Variants in CFAP43 observed in about 807,000 individuals in gnomAD.
CFAP43 encodes cilia and flagella associated protein 43.
CFAP43 carries 155 observed loss-of-function variants against 218.9 expected under a neutral mutation model. The observed-to-expected ratio is 0.71, with a 90% CI of 0.62 to 0.81. The LOEUF (loss-of-function observed/expected upper bound fraction) is 0.81, where lower values mean the gene tolerates loss of function less well. Ranked by LOEUF, CFAP43 falls within the 30% of genes least tolerant of loss-of-function variation. CFAP43 has a pLI of 0.00. For synonymous variants in CFAP43, 645 were observed against 681.3 expected, an observed-to-expected ratio of 0.95 and a Z score of 0.83; for missense variants, 1,778 against 1,954.3, an observed-to-expected ratio of 0.91 and a Z score of 1.70.
intron 16 of CFAP43, among the ~76,000 whole-genome samples, chr10:104,182,978 C>T (rs1432005060): frequency 6.6e-6 from 1 of 152,116 alleles, no homozygotes; most frequent in East Asian, 1.9e-4. Context: ...TCCTCATACC[C>T]TTACTCAACA....
chr10:104,147,890 C>T lies in CFAP43; in HGVS notation c.3768+1G>A. 6.3e-7 allele frequency: 1 copy of T among 1,578,982 alleles called. No homozygotes were observed. The highest frequency in any genetic ancestry group is 1.2e-5 in the South Asian group (1 of 86,050). Reference sequence around the variant, plus strand: ...ATTCAGATTTCAGACACTATTCTTACTTTCTCGTGCTGTTTCCTTGTAAGG... The same window carrying T: ...ATTCAGATTTCAGACACTATTCTTATTTTCTCGTGCTGTTTCCTTGTAAGG... On this transcript the variant is annotated splice_donor_variant, in intron 29 of 37. Transcript: ENST00000357060. LOFTEE classifies it high-confidence loss of function.
intron 3 of CFAP43, among the ~76,000 whole-genome samples, chr10:104,214,935 A>G (rs528502774): frequency 5.2e-4 from 79 of 152,176 alleles, no homozygotes; most frequent in African/African-American, 1.7e-3. Flanking sequence ...CAGGAGTTCA[A>G]GACCAGCCTG....
At chr10:104,140,796 A>T in intron 34 of CFAP43, 46 bp downstream of exon 34, 2 of 1,466,008 alleles carry the variant, frequency 1.4e-6, no homozygotes, top group Non-Finnish European at 9.2e-7. Context: ...AGCCTGAGTA[A>T]CAAAGCAAGA....
intron 7 of CFAP43, among the ~76,000 whole-genome samples, chr10:104,205,231 A>AAAAAAG (rs2090652103): frequency 6.6e-6 from 1 of 151,112 alleles, no homozygotes; most frequent in African/African-American, 2.4e-5. Flanking sequence ...AAAAAAAAAA[A>AAAAAAG]AAAAGAAAAG....
rs11191949 is a variant in CFAP43, at chr10:104,211,980, A to G, written c.735+27T>C. 655 of 1,605,674 alleles carry G rather than the reference A, an allele frequency of 4.1e-4. 5 individuals carry two copies. In the African/African-American group the frequency reaches 5.4e-3, roughly 13 times the overall value. On this transcript the variant is annotated intron_variant, in intron 5 of 37. Coordinates refer to ENST00000357060, the MANE Select transcript of CFAP43 (RefSeq NM_025145.7). ...CTTCCTAGACCTCAACCCATTAGGC[A>G]AACAGGAAGAGGTGCCAGGTAATTA... is the stretch of plus-strand genomic sequence containing the variant.
intron 13 of CFAP43, among the ~76,000 whole-genome samples, 154 bp from the exon 14 acceptor site, chr10:104,187,646 T>C (rs912509463): frequency 3.3e-5 from 5 of 152,260 alleles, no homozygotes; most frequent in African/African-American, 9.6e-5. Flanking sequence ...TAAAAACACT[T>C]GTCTCCCTAG....
At chr10:104,211,208 T>A (rs1176816474) in intron 5 of CFAP43, among the ~76,000 whole-genome samples, 1 of 152,158 alleles carries the variant, frequency 6.6e-6, no homozygotes, top group Non-Finnish European at 1.5e-5. Flanking sequence ...TTACCACATT[T>A]TGTAATGATT....
chr10:104,176,945 A>C (rs2089651667), intron 19 of CFAP43, among the ~76,000 whole-genome samples: 1 of 152,216 alleles, frequency 6.6e-6, no homozygotes, highest in African/African-American at 2.4e-5. Flanking sequence ...AATCAACAAG[A>C]AAATGACCAA....
At chr10:104,196,823 T>C (rs781383691) in intron 10 of CFAP43, 30 bp downstream of exon 10, 1 of 1,537,214 alleles carries the variant, frequency 6.5e-7, no homozygotes, top group Middle Eastern at 1.8e-4. Context: ...TTCAGTATTT[T>C]TTTAAAATCC....
intron 20 of CFAP43, among the ~76,000 whole-genome samples, chr10:104,170,199 G>GAA (rs200039615): frequency 6.8e-6 from 1 of 148,008 alleles, no homozygotes; most frequent in Non-Finnish European, 1.5e-5. Flanking sequence ...CAGAGCTCAA[G>GAA]AAAAAAAAAT....
At position 104,160,315 on chromosome 10, in the gene CFAP43, T is replaced by G. The variant is rs571720128; in HGVS notation, c.3540+722A>C. 1.4e-3 allele frequency among the ~76,000 whole-genome samples: 209 copies of G among 152,290 alleles called. 1 individual carries two copies. Among genetic ancestry groups the G allele is most frequent in the African/African-American group, 4.6e-3 (192 of 41,550 alleles). On this transcript the variant is annotated intron_variant, in intron 27 of 37. Transcript: ENST00000357060. ...TTTTAGGTTAAAATACAAGGGACCC[T>G]ACAGGGCCACAGTGAATAAAAATGT...
rs747872008 is a variant in CFAP43 at position 104,193,881 on chromosome 10, G to T, written c.1427C>A (p.Ser476Tyr). Reference sequence around the variant, plus strand: ...AAGGACTTACACGACGTGCTGCACGGACGATTCCGAGAGAAAGGCCTTGTG... The same window carrying T: ...AAGGACTTACACGACGTGCTGCACGTACGATTCCGAGAGAAAGGCCTTGTG... ...VVHKAFLSES[S>Y]VQHVVYDQQG... Residue 476 changes from serine (S) to tyrosine (Y), a missense_variant, in exon 11 of 38, where the codon TCC (serine) becomes TAC (tyrosine). By Grantham distance (144) the Ser-to-Tyr change is moderately radical. Transcript: ENST00000357060. The T allele has an allele frequency of 6.2e-7, 1 of 1,614,090 alleles. No homozygotes were observed. Among genetic ancestry groups the T allele is most frequent in the Non-Finnish European group, 8.5e-7 (1 of 1,179,990 alleles).
chr10:104,186,331 T>C (rs2090028577), intron 14 of CFAP43, among the ~76,000 whole-genome samples: 1 of 152,228 alleles, frequency 6.6e-6, no homozygotes, highest in East Asian at 1.9e-4. Context: ...AAATAAAAGT[T>C]TGTTTCTGCC....
chr10:104,165,127 C>G lies in CFAP43; in HGVS notation c.3040-827G>C, dbSNP rs1029468257. On this transcript the variant is annotated intron_variant, in intron 23 of 37. Coordinates refer to ENST00000357060, the MANE Select transcript of CFAP43 (RefSeq NM_025145.7). The stretch of plus-strand genomic sequence containing the variant: ...TTCTTCTATATGAACACACCATTCT[C>G]AGGTAGGAAAGAAACCTGTGCTAGC... Among the ~76,000 whole-genome samples, 18 of 152,316 alleles carry G rather than the reference C, an allele frequency of 1.2e-4. No individual in the cohort carries two copies. In the East Asian group the frequency reaches 3.1e-3, roughly 26 times the overall value.
intron 35 of CFAP43, 129 bp from the exon 36 acceptor site, chr10:104,132,325 G>C (rs1232511169): frequency 2.5e-5 from 18 of 730,122 alleles, no homozygotes; most frequent in Non-Finnish European, 2.1e-6. Flanking sequence ...AGATTGATTT[G>C]GCTTGGCCAG....
chr10:104,144,419 G>T (rs12221084), intron 31 of CFAP43, among the ~76,000 whole-genome samples: 1 of 152,144 alleles, frequency 6.6e-6, no homozygotes, highest in South Asian at 2.1e-4. Flanking sequence ...GGGAGGTTGA[G>T]ATGGGTGGAT....
intron 28 of CFAP43, among the ~76,000 whole-genome samples, chr10:104,150,988 T>G (rs1315824140): frequency 1.3e-5 from 2 of 152,156 alleles, no homozygotes; most frequent in African/African-American, 4.8e-5. Flanking sequence ...AGTGAGAGCA[T>G]ATCATATTTG....
intron 23 of CFAP43, 112 bp downstream of exon 23, chr10:104,166,376 C>T: frequency 1.3e-6 from 1 of 786,622 alleles, no homozygotes; most frequent in South Asian, 1.8e-5. Context: ...CCAGCCTCCT[C>T]TATGTATTTT....
intron 3 of CFAP43, 85 bp downstream of exon 3, chr10:104,225,376 A>G (rs2091281940): frequency 1.9e-6 from 2 of 1,042,902 alleles, no homozygotes; most frequent in Middle Eastern, 2.1e-4. Flanking sequence ...CAGATTTTTC[A>G]TGTCTATTTC....
Sources: gnomAD v4.1 joint callset for allele counts (sites outside exome capture counted in the v4.1 genomes callset) on GRCh38, gnomAD v4.1.1 for gene constraint, MANE v1.5 for transcripts, NCBI Gene and HGNC (gene_info 2026-07-23, HGNC 2026-07-21) for gene names.